SEMA3D: variants seen among roughly 807,000 people sequenced by gnomAD.
SEMA3D encodes semaphorin-3D.
Under a neutral mutation model 100.1 loss-of-function variants are expected in SEMA3D, and 84 were observed. That is an observed-to-expected ratio of 0.84 (90% confidence interval 0.70 to 1.01). SEMA3D has a LOEUF of 1.01. Among genes scored for constraint, SEMA3D ranks in the 50% least tolerant of loss-of-function variants. SEMA3D has a pLI of 0.00. For synonymous variants in SEMA3D, 312 were observed against 320.7 expected (o/e 0.97, Z 0.29); for missense variants, 875 against 934.1 (o/e 0.94, Z 0.82).
chr7:85,240,019 A>G, the SEMA3D span, among the ~76,000 whole-genome samples: 48 of 151,796 alleles, frequency 3.2e-4, no homozygotes, highest in Non-Finnish European at 6.6e-4. Flanking sequence ...TTCTTATCCT[A>G]TTTGATTAGC....
At position 85,135,606 on chromosome 7, in the gene SEMA3D, G is replaced by A. The variant is rs181608508; in HGVS notation, c.-40-13675C>T. 2.2e-4 allele frequency among the ~76,000 whole-genome samples: 34 copies of A among 151,192 alleles called. No individual in the cohort carries two copies. The East Asian group carries it at 5.3e-3, about 24-fold the overall frequency. ...ACCAACATGGCACATGTATACATATGTAACAAACCTGCACATTGTGCACAT... is the reference window on the plus strand; with the variant it reads ...ACCAACATGGCACATGTATACATATATAACAAACCTGCACATTGTGCACAT... On this transcript the variant is annotated intron_variant, in intron 2 of 18. Transcript: ENST00000284136.
intron 1 of SEMA3D, among the ~76,000 whole-genome samples, chr7:85,169,871 A>C (rs1356511778): frequency 1.3e-5 from 2 of 151,780 alleles, no homozygotes; most frequent in African/African-American, 4.8e-5. Flanking sequence ...AAGAACTGAT[A>C]GATTGCTAGT....
chr7:85,188,982 C>T (rs1337499070), upstream of SEMA3D, among the ~76,000 whole-genome samples: 3 of 152,162 alleles, frequency 2.0e-5, no homozygotes, highest in Non-Finnish European at 4.4e-5. Flanking sequence ...AATACAATGC[C>T]TGTGACATTG....
the SEMA3D span, among the ~76,000 whole-genome samples, chr7:85,221,756 A>T: frequency 6.6e-6 from 1 of 152,080 alleles, no homozygotes; most frequent in South Asian, 2.1e-4. Flanking sequence ...AAACTTAACA[A>T]TCAATGCTAT....
At chr7:85,203,448 G>A in the SEMA3D span, among the ~76,000 whole-genome samples, 2 of 152,180 alleles carry the variant, frequency 1.3e-5, no homozygotes, top group African/African-American at 4.8e-5. Context: ...ACATGCAACC[G>A]AACATTGTGC....
At chr7:85,094,818 C>T (rs1156399957) in intron 4 of SEMA3D, among the ~76,000 whole-genome samples, 1 of 151,912 alleles carries the variant, frequency 6.6e-6, no homozygotes, top group Non-Finnish European at 1.5e-5. Flanking sequence ...TACGGACCAA[C>T]TTTGGAATCG....
intron 1 of SEMA3D, among the ~76,000 whole-genome samples, chr7:85,168,570 T>G (rs879186779): frequency 6.6e-6 from 1 of 150,658 alleles, no homozygotes; most frequent in Admixed American, 6.6e-5. Flanking sequence ...ATGAGCACAC[T>G]ACAACTAGTG....
intron 18 of SEMA3D, among the ~76,000 whole-genome samples, chr7:85,001,286 T>G (rs1051373382): frequency 1.3e-5 from 2 of 152,190 alleles, no homozygotes; most frequent in Non-Finnish European, 2.9e-5. Context: ...AGAGTTTTGT[T>G]TGTTTGTTTC....
chr7:85,085,552 A>G (rs1250727898), intron 4 of SEMA3D, among the ~76,000 whole-genome samples: 3 of 152,188 alleles, frequency 2.0e-5, no homozygotes, highest in African/African-American at 7.2e-5. Context: ...TTAGACATAT[A>G]ATTATGAAAG....
Position 84,999,705 on chromosome 7 carries a change from T to C in SEMA3D, c.2069A>G (p.Glu690Gly), listed in dbSNP as rs1446928173. The change falls in exon 19 of 19, where the codon GAA becomes GGA. Residue 690 changes from glutamate (E) to glycine (G), a missense_variant. Transcript: ENST00000284136. ...TLNVIENEQM[E>G]NTQRAEHEEG... ...CTCATGCTCTGCCCTCTGGGTATTT[T>C]CCATCTGTTCATTCTCAATGACATT... 1.9e-6 allele frequency: 3 copies of C among 1,614,100 alleles called. No homozygotes were observed. The South Asian group carries it at 3.3e-5, about 18-fold the overall frequency.
the SEMA3D span, among the ~76,000 whole-genome samples, chr7:85,201,711 T>A: frequency 6.6e-6 from 1 of 151,932 alleles, no homozygotes; most frequent in Non-Finnish European, 1.5e-5. Flanking sequence ...TCATTTCCAT[T>A]ATTTATTTAT....
intron 1 of SEMA3D, among the ~76,000 whole-genome samples, chr7:85,174,503 TTCAG>T (rs1207883042): frequency 6.6e-6 from 1 of 152,160 alleles, no homozygotes; most frequent in African/African-American, 2.4e-5. Context: ...ATGGATTAAT[TTCAG>T]TCAAGTATTA....
Position 85,027,956 on chromosome 7 carries a change from C to A in SEMA3D, c.1192-5343G>T, listed in dbSNP as rs142580864. ...ACCGAACCATGCCAAACTATGTCAC[C>A]TTTACGGATACCAAACAATTGATTA... On this transcript the variant is annotated intron_variant, in intron 12 of 18. Coordinates refer to ENST00000284136, the MANE Select transcript of SEMA3D (RefSeq NM_001384900.1). 316 of 585,528 alleles carry A rather than the reference C, an allele frequency of 5.4e-4. 3 individuals carry two copies. The highest frequency in any genetic ancestry group is 5.3e-3 in the African/African-American group (285 of 54,090). 36.3% of individuals were successfully genotyped at this position (585,528 alleles called of 1,614,324 possible). A position where few individuals can be genotyped will look rare whatever the true frequency, so the allele number is the denominator to read the frequency against.
At chr7:85,029,124 C>G in intron 12 of SEMA3D, 2 of 611,222 alleles carry the variant, frequency 3.3e-6, no homozygotes, top group South Asian at 1.7e-5. Context: ...CCTACTCTGA[C>G]AAGCCTAGCA....
At chr7:85,076,504 T>C (rs1791926687) in intron 5 of SEMA3D, among the ~76,000 whole-genome samples, 1 of 152,108 alleles carries the variant, frequency 6.6e-6, no homozygotes, top group African/African-American at 2.4e-5. Context: ...AATAGCAAAA[T>C]AGAAGTACTT....
chr7:85,154,285 G>C (rs1000777797), intron 1 of SEMA3D, among the ~76,000 whole-genome samples: 1 of 152,000 alleles, frequency 6.6e-6, no homozygotes, highest in Non-Finnish European at 1.5e-5. Context: ...ACATACATTT[G>C]TCAAAGCTCA....
At chr7:85,174,190 T>C (rs1490539525) in intron 1 of SEMA3D, among the ~76,000 whole-genome samples, 1 of 152,140 alleles carries the variant, frequency 6.6e-6, no homozygotes, top group Non-Finnish European at 1.5e-5. Flanking sequence ...TTTTGTTGAT[T>C]TGTGTTTGAT....
intron 7 of SEMA3D, among the ~76,000 whole-genome samples, chr7:85,066,913 C>CACACACAGAGAG: frequency 7.8e-6 from 1 of 127,822 alleles, no homozygotes; most frequent in African/African-American, 3.1e-5. Context: ...CACACACACA[C>CACACACAGAGAG]AGAGAGAGAG....
chr7:85,052,531 G>A (rs188752985), intron 9 of SEMA3D, among the ~76,000 whole-genome samples: 155 of 151,918 alleles, frequency 1.0e-3, no homozygotes, highest in African/African-American at 3.4e-3. Context: ...CTGTCACAAC[G>A]CTGCCTGAAA....
Sources: allele counts gnomAD v4.1 joint callset (sites outside exome capture counted in the v4.1 genomes callset), GRCh38; gene constraint gnomAD v4.1.1; transcripts MANE v1.5; gene names NCBI Gene and HGNC (gene_info 2026-07-23, HGNC 2026-07-21).